CADPS: variants seen among roughly 807,000 people sequenced by gnomAD.
The protein encoded by CADPS is calcium dependent secretion activator, also known as calcium-dependent secretion activator 1.
Under a neutral mutation model 167.3 loss-of-function variants are expected in CADPS, and 57 were observed. The ratio of observed to expected loss-of-function variants is 0.34; its 90% CI spans 0.28 to 0.42. The LOEUF (loss-of-function observed/expected upper bound fraction) is 0.42, where lower values mean the gene tolerates loss of function less well. Ranked by LOEUF, CADPS falls within the 20% of genes least tolerant of loss-of-function variation. The pLI, the probability that CADPS is intolerant of heterozygous loss-of-function variation, is 1.00. For missense variants in CADPS, 1,414 were observed against 1,738.1 expected (o/e 0.81, Z 3.32); for synonymous variants, 676 against 635.3 (o/e 1.06, Z -0.96).
intron 1 of CADPS, among the ~76,000 whole-genome samples, chr3:62,857,659 A>G (rs2079968589): frequency 6.6e-6 from 1 of 152,046 alleles, no homozygotes; most frequent in Non-Finnish European, 1.5e-5. Context: ...AAAAGCATAT[A>G]TAATATTAAC....
At position 62,466,348 on chromosome 3, in the gene CADPS, C is replaced by G. The variant is rs1420304514; in HGVS notation, c.3543G>C (p.Leu1181Phe). 6.2e-7 allele frequency: 1 copy of G among 1,610,018 alleles called. No individual in the cohort carries two copies. Among genetic ancestry groups the G allele is most frequent in the East Asian group, 2.2e-5 (1 of 44,824 alleles). Residue 1181 changes from leucine to phenylalanine, a missense_variant, in exon 25 of 30, where the codon TTG becomes TTC. Leu to Phe is a conservative substitution (Grantham distance 22). Around this residue, in one of 6 missense-constraint regions of CADPS, gnomAD observed 185 missense variants for 251.5 expected, o/e 0.74. Coordinates refer to ENST00000383710, the MANE Select transcript of CADPS (RefSeq NM_003716.4). ...TGAAGCTGGAGGTTACCTTTGCAAC[C>G]AAGAGTGTTATCATTTCTTTAACAG... ...EETVKEMITLLVAKFVTILEG... is the reference protein window; with the variant it reads ...EETVKEMITLFVAKFVTILEG...
At chr3:62,434,931 C>A (rs1244512680) in intron 28 of CADPS, among the ~76,000 whole-genome samples, 1 of 152,094 alleles carries the variant, frequency 6.6e-6, no homozygotes, top group Non-Finnish European at 1.5e-5. Flanking sequence ...GTTAAAAACA[C>A]AACAGGAACT....
intron 1 of CADPS, among the ~76,000 whole-genome samples, chr3:62,859,445 T>C (rs1413472133): frequency 6.6e-6 from 1 of 152,130 alleles, no homozygotes; most frequent in Non-Finnish European, 1.5e-5. Flanking sequence ...AGCTTTGGGC[T>C]CTCCACATAG....
chr3:62,578,184 AC>A (rs1414583160), intron 8 of CADPS, among the ~76,000 whole-genome samples: 4 of 68,376 alleles, frequency 5.9e-5, no homozygotes, highest in Non-Finnish European at 1.2e-4. Flanking sequence ...TACCATGCTA[AC>A]ACTTTTTTTT....
intron 1 of CADPS, among the ~76,000 whole-genome samples, chr3:62,857,030 C>T (rs543418348): frequency 6.0e-4 from 91 of 151,924 alleles, no homozygotes; most frequent in African/African-American, 2.1e-3. Context: ...ATAAATATGT[C>T]GAACAACATA....
At chr3:62,845,648 T>C (rs2153068063) in intron 1 of CADPS, among the ~76,000 whole-genome samples, 1 of 152,290 alleles carries the variant, frequency 6.6e-6, no homozygotes, top group East Asian at 1.9e-4. Context: ...GATTTGTTGA[T>C]ATGTCCCTTA....
At chr3:62,661,853 C>T (rs1411239957) in intron 4 of CADPS, among the ~76,000 whole-genome samples, 1 of 152,102 alleles carries the variant, frequency 6.6e-6, no homozygotes, top group Non-Finnish European at 1.5e-5. Flanking sequence ...GGGTGGCTGA[C>T]TGAGTGTGGA....
chr3:62,794,509 G>A (rs2093225696), intron 1 of CADPS, among the ~76,000 whole-genome samples: 1 of 152,246 alleles, frequency 6.6e-6, no homozygotes, highest in Admixed American at 6.5e-5. Flanking sequence ...TTCGAACTCA[G>A]GAGGCCAGAC....
intron 9 of CADPS, among the ~76,000 whole-genome samples, chr3:62,570,067 C>A (rs933690706): frequency 2.6e-5 from 4 of 152,042 alleles, no homozygotes; most frequent in African/African-American, 9.7e-5. Flanking sequence ...ATATTCCCTG[C>A]AGCCTTGTTA....
chr3:62,714,860 G>A (rs1323444575), intron 3 of CADPS, among the ~76,000 whole-genome samples: 2 of 152,078 alleles, frequency 1.3e-5, no homozygotes, highest in Non-Finnish European at 2.9e-5. Context: ...AAAGAGGCTC[G>A]AGAGAGATAG....
intron 7 of CADPS, among the ~76,000 whole-genome samples, chr3:62,589,487 G>C (rs559675662): frequency 9.2e-5 from 14 of 152,370 alleles, no homozygotes; most frequent in Admixed American, 2.0e-4. Context: ...GCACAGCCCA[G>C]GGTTTTATTT....
At chr3:62,865,139 C>T (rs763619085) in intron 1 of CADPS, among the ~76,000 whole-genome samples, 2 of 152,116 alleles carry the variant, frequency 1.3e-5, no homozygotes, top group Non-Finnish European at 2.9e-5. Context: ...TCAGGATATA[C>T]TTCAACTCAT....
intron 17 of CADPS, 88 bp from the exon 18 acceptor site, chr3:62,499,356 T>G (rs1015304829): frequency 1.3e-6 from 1 of 791,552 alleles, no homozygotes; most frequent in Non-Finnish European, 2.2e-6. Flanking sequence ...AAATTGAGAA[T>G]AGTTATCAGT....
intron 2 of CADPS, among the ~76,000 whole-genome samples, chr3:62,763,380 C>T (rs889962271): frequency 5.3e-5 from 8 of 152,158 alleles, no homozygotes; most frequent in Non-Finnish European, 1.0e-4. Flanking sequence ...TGAGTACAGT[C>T]GAGAGGTGGG....
chr3:62,399,673 A>C lies in CADPS; in HGVS notation c.3883-88T>G. 1 of 1,029,066 alleles carries C rather than the reference A, an allele frequency of 9.7e-7. No homozygotes were observed. The highest frequency in any genetic ancestry group is 2.4e-5 in the East Asian group (1 of 41,736). 63.7% of individuals were successfully genotyped at this position (1,029,066 alleles called of 1,614,324 possible). On this transcript the variant is annotated intron_variant, in intron 29 of 29. Transcript: ENST00000383710. This position sits in a 1 kb window ranked among gnomAD's most constrained non-coding sequence, Gnocchi z 5.6. ...TAAAAGCAGGTGTGGGTGGGAGAGC[A>C]CTGACCTTCAGCTAAATATCACACT... is the stretch of plus-strand genomic sequence containing the variant.
At chr3:62,745,547 T>C (rs2081275352) in intron 3 of CADPS, among the ~76,000 whole-genome samples, 1 of 152,176 alleles carries the variant, frequency 6.6e-6, no homozygotes, top group Non-Finnish European at 1.5e-5. Context: ...AACCTTGTCT[T>C]GGAACAGACA....
chr3:62,629,515 G>C (rs2064835026), intron 6 of CADPS, among the ~76,000 whole-genome samples: 1 of 152,104 alleles, frequency 6.6e-6, no homozygotes, highest in East Asian at 1.9e-4. Flanking sequence ...AAAAATCTGG[G>C]ACGCCATCAC....
Position 62,797,304 on chromosome 3 carries a change from G to A in CADPS, c.442-31320C>T, listed in dbSNP as rs149337351. Among the ~76,000 whole-genome samples the A allele has an allele frequency of 3.3e-5, 5 of 152,076 alleles. No homozygotes were observed. The East Asian group carries it at 5.8e-4, about 18-fold the overall frequency. On this transcript the variant is annotated intron_variant, in intron 1 of 29. Transcript: ENST00000383710. ...TAAATTGTGTCCTGTGACGGTGTTT[G>A]GTTTCCTCATGGGTAGAGATCAAGT...
chr3:62,459,559 A>C (rs1160382307), intron 26 of CADPS, among the ~76,000 whole-genome samples: 2 of 152,162 alleles, frequency 1.3e-5, no homozygotes, highest in African/African-American at 4.8e-5. Context: ...TTGCCAAGCA[A>C]AACTCTACTT....
Sources: gnomAD v4.1 joint callset for allele counts (sites outside exome capture counted in the v4.1 genomes callset) on GRCh38, gnomAD v4.1.1 for gene constraint, gnomAD v4.1.1 regional missense constraint, Gnocchi (gnomAD v3.1) non-coding constraint, MANE v1.5 for transcripts, NCBI Gene and HGNC (gene_info 2026-07-23, HGNC 2026-07-21) for gene names.